The following SHPRH variants were observed in gnomAD, a reference collection of about 807,000 sequenced individuals.
The protein encoded by SHPRH is E3 ubiquitin-protein ligase SHPRH.
In SHPRH, 106 loss-of-function variants were observed where a neutral mutation model predicts 202.5. The ratio of observed to expected loss-of-function variants is 0.52; its 90% CI spans 0.45 to 0.62. The LOEUF is 0.62. SHPRH is among the 20% of genes least tolerant of loss of function. SHPRH has a pLI of 0.00. For synonymous variants in SHPRH, 729 were observed against 686.0 expected, an observed-to-expected ratio of 1.06 and a Z score of -0.98; for missense variants, 1,710 against 2,020.0, an observed-to-expected ratio of 0.85 and a Z score of 2.94.
downstream of SHPRH, among the ~76,000 whole-genome samples, chr6:145,880,055 A>G (rs375915323): frequency 5.3e-5 from 8 of 152,284 alleles, no homozygotes; most frequent in South Asian, 1.7e-3. Context: ...TGCAAGACAC[A>G]AGACTAAGTA....
chr6:145,867,631 T>TATATAGAGAGAGAG (rs1554220329), intron 2 of SHPRH, among the ~76,000 whole-genome samples: 5 of 22,318 alleles, frequency 2.2e-4, no homozygotes, highest in East Asian at 1.8e-3. Context: ...TATATATATA[T>TATATAGAGAGAGAG]AGAGAGAGAG....
chr6:145,943,438 G>A lies in SHPRH; in HGVS notation c.1943C>T (p.Thr648Ile), dbSNP rs763357255. ...ATCAGAGGTGTTAAAGGGACTCATG[G>A]TATTAGAAGGTGGTACATCACTATC... ...HADSDVPPSN[T>I]MSPFNTSDYR... The change falls in exon 9 of 30, where the codon ACC becomes ATC. Residue 648 changes from threonine (T) to isoleucine (I), a missense_variant. Physicochemically the swap from Thr to Ile is moderately conservative, Grantham distance 89. Around this residue, in one of 8 missense-constraint regions of SHPRH, gnomAD observed 348 missense variants for 356.9 expected, o/e 0.97. Transcript: ENST00000275233. 181 of 1,613,898 alleles carry A rather than the reference G, an allele frequency of 1.1e-4. No homozygotes were observed. Among genetic ancestry groups the A allele is most frequent in the Non-Finnish European group, 1.4e-4 (167 of 1,179,958 alleles).
intron 1 of SHPRH, among the ~76,000 whole-genome samples, chr6:145,962,346 C>T (rs1427215037): frequency 6.6e-6 from 1 of 152,186 alleles, no homozygotes; most frequent in African/African-American, 2.4e-5. Flanking sequence ...AAACAAAGAT[C>T]TCTAATTCCG....
rs143062371 is a variant in SHPRH at position 145,896,015 on chromosome 6, A to G, written c.4516-1038T>C. Reference sequence around the variant, plus strand: ...CAGATTTAACCAAAAAGAAGGAAAAATATTTCCACAGCAGCATAAACCCTC... The same window carrying G: ...CAGATTTAACCAAAAAGAAGGAAAAGTATTTCCACAGCAGCATAAACCCTC... On this transcript the variant is annotated intron_variant, in intron 25 of 29. Transcript: ENST00000275233. Among the ~76,000 whole-genome samples, 571 of 152,170 alleles carry G rather than the reference A, an allele frequency of 3.8e-3. 4 individuals are homozygous for G. Among genetic ancestry groups the G allele is most frequent in the African/African-American group, 0.013 (540 of 41,582 alleles).
intron 13 of SHPRH, 90 bp downstream of exon 13, chr6:145,934,817 C>T: frequency 7.8e-7 from 1 of 1,276,758 alleles, no homozygotes; most frequent in Non-Finnish European, 1.1e-6. Flanking sequence ...ACTGACAACT[C>T]AGTTACATGT....
chr6:145,955,195 G>A lies in SHPRH; in HGVS notation c.128C>T (p.Pro43Leu), dbSNP rs771974230. ...AGAAGAGGTATCTGAACCTGGGCAG[G>A]GCTGCTCGTCATCATCACTTATGAT... ...PIIISDDDEQ[P>L]CPGSDTSSAH... is the part of the protein sequence containing the mutation. Residue 43 changes from proline (P) to leucine (L), a missense_variant, in exon 2 of 30, where the codon CCC becomes CTC. Physicochemically the swap from Pro to Leu is moderately conservative, Grantham distance 98. Coordinates refer to ENST00000275233, the MANE Select transcript of SHPRH (RefSeq NM_001042683.3). 3.1e-6 allele frequency: 5 copies of A among 1,613,542 alleles called. No individual in the cohort carries two copies. In the African/African-American group the frequency reaches 4.0e-5, roughly 13 times the overall value.
chr6:145,943,453 A>G lies in SHPRH; in HGVS notation c.1928T>C (p.Val643Ala), dbSNP rs1390918387. ...AESLNHADSD[V>A]PPSNTMSPFN... ...GGGACTCATGGTATTAGAAGGTGGT[A>G]CATCACTATCAGCATGATTTAGAGA... Residue 643 changes from valine to alanine, a missense_variant, in exon 9 of 30, where the codon GTA becomes GCA. Around this residue, in one of 8 missense-constraint regions of SHPRH, gnomAD observed 348 missense variants for 356.9 expected, o/e 0.97. Coordinates refer to ENST00000275233, the MANE Select transcript of SHPRH (RefSeq NM_001042683.3). 2 of 1,613,942 alleles carry G rather than the reference A, an allele frequency of 1.2e-6. No individual in the cohort carries two copies. The highest frequency in any genetic ancestry group is 3.3e-5 in the Admixed American group (2 of 59,982).
chr6:145,944,804 T>C (rs1787188084), intron 8 of SHPRH, among the ~76,000 whole-genome samples: 1 of 152,056 alleles, frequency 6.6e-6, no homozygotes, highest in African/African-American at 2.4e-5. Flanking sequence ...TCTAACAAAA[T>C]GCAGAAATTG....
chr6:145,893,431 A>G (rs1182108671), intron 27 of SHPRH, 38 bp from the exon 28 acceptor site: 2 of 1,527,342 alleles, frequency 1.3e-6, no homozygotes, highest in Non-Finnish European at 1.8e-6. Flanking sequence ...TAGCTCGATC[A>G]GTTAAAATAA....
At chr6:145,930,608 T>G (rs1562335327) in intron 14 of SHPRH, among the ~76,000 whole-genome samples, 1 of 152,208 alleles carries the variant, frequency 6.6e-6, no homozygotes, top group Non-Finnish European at 1.5e-5. Context: ...ATGAATCCTT[T>G]GAAATTTACT....
At chr6:145,888,307 A>T (rs1781273923) in intron 28 of SHPRH, among the ~76,000 whole-genome samples, 1 of 152,122 alleles carries the variant, frequency 6.6e-6, no homozygotes, top group Non-Finnish European at 1.5e-5. Context: ...CACATAAAAG[A>T]GTAAGACGGT....
chr6:145,888,098 G>C lies in SHPRH; in HGVS notation c.4877C>G (p.Pro1626Arg). 3.1e-6 allele frequency: 5 copies of C among 1,600,508 alleles called. No homozygotes were observed. Among genetic ancestry groups the C allele is most frequent in the Non-Finnish European group, 4.3e-6 (5 of 1,169,284 alleles). The change falls in exon 29 of 30, where the codon CCT (proline) becomes CGT (arginine). Residue 1626 changes from proline (P) to arginine (R), a missense_variant and splice_region_variant. By Grantham distance (103) the Pro-to-Arg change is moderately radical (BLOSUM62 -2). This residue lies in a region of SHPRH where 306 missense variants were observed against 479.5 expected (regional missense o/e 0.64). Transcript: ENST00000275233. ...GRVHRIGQTK[P>R]TIVHRFLIKA... ...AATTAAGAATCTGTGTACAATAGTAGGTCTAAAAGGTACAGAAGAATTTTA... is the reference window on the plus strand; with the variant it reads ...AATTAAGAATCTGTGTACAATAGTACGTCTAAAAGGTACAGAAGAATTTTA...
intron 2 of SHPRH, among the ~76,000 whole-genome samples, chr6:145,867,041 C>A (rs1270363626): frequency 6.6e-6 from 1 of 152,168 alleles, no homozygotes; most frequent in Non-Finnish European, 1.5e-5. Flanking sequence ...ATTAAAAACA[C>A]TTCAGTTCCA....
At chr6:145,942,309 T>C (rs1025928334) in intron 9 of SHPRH, among the ~76,000 whole-genome samples, 3 of 152,226 alleles carry the variant, frequency 2.0e-5, no homozygotes, top group Admixed American at 1.3e-4. Context: ...ATGTTTCAGA[T>C]ACTGTGCTAA....
chr6:145,908,398 C>T (rs1783167026), intron 25 of SHPRH: 1 of 152,120 alleles, frequency 6.6e-6, no homozygotes. Flanking sequence ...AAAAACGTTC[C>T]TATTTCTTCA....
At chr6:145,900,789 T>C (rs1782434909) in intron 25 of SHPRH, among the ~76,000 whole-genome samples, 1 of 152,156 alleles carries the variant, frequency 6.6e-6, no homozygotes, top group Non-Finnish European at 1.5e-5. Flanking sequence ...ATGTAAATCT[T>C]ACGTAAATTA....
intron 1 of SHPRH, among the ~76,000 whole-genome samples, chr6:145,957,671 T>C (rs1189947259): frequency 6.6e-6 from 1 of 152,186 alleles, no homozygotes; most frequent in Non-Finnish European, 1.5e-5. Context: ...ACTATTCATA[T>C]ACTAAAATAG....
At chr6:145,869,238 G>A (rs1032189880) in intron 2 of SHPRH, among the ~76,000 whole-genome samples, 1 of 152,080 alleles carries the variant, frequency 6.6e-6, no homozygotes, top group East Asian at 1.9e-4. Context: ...TATGTATTTG[G>A]ATAACAGTTC....
In SHPRH at chr6:145,943,459, C is replaced by T. The variant is rs765818785; in HGVS notation, c.1922G>A (p.Ser641Asn). The change falls in exon 9 of 30, where the codon AGT becomes AAT. Residue 641 changes from serine (S) to asparagine (N), a missense_variant. By Grantham distance (46) the Ser-to-Asn change is conservative. This residue lies in a region of SHPRH where 348 missense variants were observed against 356.9 expected (regional missense o/e 0.97). Coordinates refer to ENST00000275233, the MANE Select transcript of SHPRH (RefSeq NM_001042683.3). ...CATGGTATTAGAAGGTGGTACATCA[C>T]TATCAGCATGATTTAGAGATTCAGC... ...DCAESLNHAD[S>N]DVPPSNTMSP... 1 of 1,614,000 alleles carries T rather than the reference C, an allele frequency of 6.2e-7. No individual in the cohort carries two copies. The highest frequency in any genetic ancestry group is 1.1e-5 in the South Asian group (1 of 91,078).
Sources: gnomAD v4.1 joint callset for allele counts (sites outside exome capture counted in the v4.1 genomes callset) on GRCh38, gnomAD v4.1.1 for gene constraint, gnomAD v4.1.1 regional missense constraint, MANE v1.5 for transcripts, NCBI Gene and HGNC (gene_info 2026-07-23, HGNC 2026-07-21) for gene names.